The following PSD4 variants were observed in gnomAD, a reference collection of about 807,000 sequenced individuals.
PSD4 encodes the protein PH and SEC7 domain-containing protein 4.
Under a neutral mutation model 112.5 loss-of-function variants are expected in PSD4, and 59 were observed. The ratio of observed to expected loss-of-function variants is 0.52; its 90% CI spans 0.43 to 0.65. The LOEUF is 0.65. Among genes scored for constraint, PSD4 ranks in the 30% least tolerant of loss-of-function variants. The pLI, the probability that PSD4 is intolerant of heterozygous loss-of-function variation, is 0.00. For missense variants in PSD4, 1,267 were observed against 1,352.6 expected (o/e 0.94, Z 0.99); for synonymous variants, 533 against 540.0 (o/e 0.99, Z 0.18).
chr2:113,183,452 G>T lies in PSD4; in HGVS notation c.996G>T (p.Trp332Cys). Residue 332 changes from tryptophan to cysteine, a missense_variant, in exon 2 of 17, where the codon TGG (tryptophan) becomes TGT (cysteine). Physicochemically the swap from Trp to Cys is radical, Grantham distance 215 (BLOSUM62 -2). Coordinates refer to ENST00000245796, the MANE Select transcript of PSD4 (RefSeq NM_012455.3). Reference protein sequence around the residue: ...VPIYKPHSICWASVAAAEGAP... With the variant: ...VPIYKPHSICCASVAAAEGAP... ...TCTATAAACCACACTCCATCTGCTG[G>T]GCCTCAGTGGCTGCCGCTGAGGGGG... 1 of 1,590,096 alleles carries T rather than the reference G, an allele frequency of 6.3e-7. No homozygotes were observed. The highest frequency in any genetic ancestry group is 8.6e-7 in the Non-Finnish European group (1 of 1,169,442).
At position 113,192,132 on chromosome 2, in the gene PSD4, G is replaced by A. The variant is rs560658050; in HGVS notation, c.1629-248G>A. ...TGAGGTGAGATAAACTCGGAACATGGCTGTGCTTTACCTGAGAAAGCGCAG... is the reference window on the plus strand; with the variant it reads ...TGAGGTGAGATAAACTCGGAACATGACTGTGCTTTACCTGAGAAAGCGCAG... On this transcript the variant is annotated intron_variant, in intron 5 of 16. Coordinates refer to ENST00000245796, the MANE Select transcript of PSD4 (RefSeq NM_012455.3). 6.3e-4 allele frequency among the ~76,000 whole-genome samples: 95 copies of A among 151,960 alleles called. No individual in the cohort carries two copies. In the Middle Eastern group the frequency reaches 0.014, roughly 22 times the overall value.
chr2:113,197,267 A>C, intron 12 of PSD4: 3 of 432,968 alleles, frequency 6.9e-6, no homozygotes, highest in Non-Finnish European at 8.7e-6. Context: ...TACTTGGGGT[A>C]GTGGGTGTGT....
chr2:113,198,417 G>C (rs971091654), intron 14 of PSD4: 2 of 274,320 alleles, frequency 7.3e-6, no homozygotes, highest in Admixed American at 1.0e-4. Flanking sequence ...GATTAAAGGC[G>C]GGCGCCACCG....
At chr2:113,191,938 A>G (rs1688449995) in intron 5 of PSD4, among the ~76,000 whole-genome samples, 1 of 152,158 alleles carries the variant, frequency 6.6e-6, no homozygotes, top group Non-Finnish European at 1.5e-5. Flanking sequence ...GCTCATCCTT[A>G]CAGGTTTCTT....
In PSD4 at chr2:113,207,737, G is replaced by GT. The variant is rs1238908852; in HGVS notation, c.*6323dup. On this transcript the variant is annotated 3_prime_UTR_variant, in exon 17 of 17. Coordinates refer to ENST00000245796, the MANE Select transcript of PSD4 (RefSeq NM_012455.3). ...CTCCCAAAGTGCTGGGATTACAGGC[G>GT]TAAGCCACCACGCCCCGGCCCTCTT... 2 of 151,594 alleles carry GT rather than the reference G, an allele frequency of 1.3e-5. No individual in the cohort carries two copies. Among genetic ancestry groups the GT allele is most frequent in the Non-Finnish European group, 1.5e-5 (1 of 67,956 alleles). The allele number at this position is 151,594 out of a possible 1,614,324, so 9.4% of individuals were successfully genotyped here. A position where few individuals can be genotyped will look rare whatever the true frequency, so the allele number is the denominator to read the frequency against.
rs1688771228 is a variant in PSD4, at chr2:113,201,277, G to A, written c.3033G>A (p.Lys1011=). 6.2e-7 allele frequency: 1 copy of A among 1,614,060 alleles called. No homozygotes were observed. Among genetic ancestry groups the A allele is most frequent in the African/African-American group, 1.3e-5 (1 of 74,940 alleles). ...AAGCTGGAGGCACTCGGGAGCCCAA[G>A]CTCAGCCTGAAGAAGTCCCACTCGA... ...GREAGGTREP[K]LSLKKSHSSP... Residue 1011 remains lysine (K), a synonymous_variant, in exon 17 of 17, where the codon AAG becomes AAA. Transcript: ENST00000245796.
intron 14 of PSD4, 46 bp from the exon 15 acceptor site, chr2:113,198,694 G>A: frequency 6.7e-7 from 1 of 1,502,444 alleles, no homozygotes; most frequent in Non-Finnish European, 8.9e-7. Context: ...GAGGGTGACA[G>A]GACGGACTCT....
chr2:113,194,033 A>T, intron 10 of PSD4, 85 bp downstream of exon 10: 1 of 1,378,194 alleles, frequency 7.3e-7, no homozygotes, highest in South Asian at 1.3e-5. Flanking sequence ...TGAGCTTGGG[A>T]CTGGCTTTGC....
At chr2:113,197,012 C>T (rs1465896997) in intron 12 of PSD4, among the ~76,000 whole-genome samples, 1 of 152,232 alleles carries the variant, frequency 6.6e-6, no homozygotes, top group Admixed American at 6.5e-5. Flanking sequence ...GTGAAGCCGC[C>T]GGGGCCCTAG....
chr2:113,185,227 G>A lies in PSD4; in HGVS notation c.1174-138G>A, dbSNP rs79318368. The A allele has an allele frequency of 1.2e-3, 1,852 of 1,534,370 alleles. 26 individuals are homozygous for A. The East Asian group carries it at 0.03, about 25-fold the overall frequency. ...TGAACTGAGGCTCCAGCCTGGGTGG[G>A]AGGAGGATGGAGGGGCTTCTGCCTA... On this transcript the variant is annotated intron_variant, in intron 3 of 16. Transcript: ENST00000245796.
At chr2:113,199,049 C>A (rs1376616794) in intron 15 of PSD4, 34 bp from the exon 16 acceptor site, 3 of 1,514,222 alleles carry the variant, frequency 2.0e-6, no homozygotes, top group Non-Finnish European at 2.6e-6. Context: ...AGGGGACGCC[C>A]GGGACAGCGC....
At chr2:113,198,048 A>T (rs1688662661) in intron 14 of PSD4, 135 bp downstream of exon 14, 2 of 1,106,348 alleles carry the variant, frequency 1.8e-6, no homozygotes, top group East Asian at 5.5e-5. Flanking sequence ...AGAAATTCTT[A>T]GAAAGCGGCA....
chr2:113,192,304 G>T (rs550668602), intron 5 of PSD4, 76 bp from the exon 6 acceptor site: 6 of 1,445,524 alleles, frequency 4.2e-6, no homozygotes, highest in Non-Finnish European at 5.8e-6. Flanking sequence ...CATTCAAGGC[G>T]CTGAGCTCGG....
At chr2:113,190,790 T>C (rs1305208384) in intron 5 of PSD4, among the ~76,000 whole-genome samples, 1 of 152,144 alleles carries the variant, frequency 6.6e-6, no homozygotes, top group East Asian at 1.9e-4. Flanking sequence ...GATCTTACTG[T>C]GAAAATCAAG....
Position 113,197,354 on chromosome 2 carries a change from C to T in PSD4, c.2387-210C>T, listed in dbSNP as rs766115291. Reference sequence around the variant, plus strand: ...AGTGGTTCTATGGTTTTGTTTCCAGCGGGCATTGCCTGTGTGTGGAGAGAC... The same window carrying T: ...AGTGGTTCTATGGTTTTGTTTCCAGTGGGCATTGCCTGTGTGTGGAGAGAC... On this transcript the variant is annotated intron_variant, in intron 12 of 16. Transcript: ENST00000245796. The T allele has an allele frequency of 1.3e-4, 77 of 613,230 alleles. 1 individual carries two copies. The highest frequency in any genetic ancestry group is 5.0e-4 in the South Asian group (27 of 53,718). 38.0% of individuals were successfully genotyped at this position (613,230 alleles called of 1,614,324 possible). A position where few individuals can be genotyped will look rare whatever the true frequency, so the allele number is the denominator to read the frequency against.
Position 113,197,619 on chromosome 2 carries a change from T to C in PSD4, c.2442T>C (p.Val814=), listed in dbSNP as rs753024415. 16 of 1,614,050 alleles carry C rather than the reference T, an allele frequency of 9.9e-6. No homozygotes were observed. In the Admixed American group the frequency reaches 2.7e-4, roughly 27 times the overall value. The change falls in exon 13 of 17, where the codon GTT becomes GTC. Residue 814 remains valine, a synonymous_variant. Coordinates refer to ENST00000245796, the MANE Select transcript of PSD4 (RefSeq NM_012455.3). ...TCCACACCTTACTGCGAGGGATGGTTCTCTACTTCCTGAAGGTAGGAAAGG... is the reference window on the plus strand; with the variant it reads ...TCCACACCTTACTGCGAGGGATGGTCCTCTACTTCCTGAAGGTAGGAAAGG... The part of the protein sequence containing the change: ...KMFHTLLRGM[V]LYFLKQGEDH...
In PSD4 at chr2:113,201,461, C is replaced by A; in HGVS notation, c.*46C>A. On this transcript the variant is annotated 3_prime_UTR_variant, in exon 17 of 17. Transcript: ENST00000245796. ...CACTGTTCCCTGCTCCAGGGTAGAC[C>A]TGAGATGAACCTCCCTGGAGGAGAC... 6.2e-7 allele frequency: 1 copy of A among 1,600,850 alleles called. No homozygotes were observed. Among genetic ancestry groups the A allele is most frequent in the Non-Finnish European group, 8.5e-7 (1 of 1,173,690 alleles).
chr2:113,193,548 T>C (rs371422495), intron 8 of PSD4, 44 bp from the exon 9 acceptor site: 4 of 1,586,102 alleles, frequency 2.5e-6, no homozygotes, highest in Non-Finnish European at 3.5e-6. Context: ...ACAGGAGCCC[T>C]GGTTCCAATG....
Position 113,202,930 on chromosome 2 carries a change from A to C in PSD4, c.*1515A>C, listed in dbSNP as rs1688809915. 6.6e-6 allele frequency: 1 copy of C among 152,422 alleles called. No individual in the cohort carries two copies. The highest frequency in any genetic ancestry group is 6.5e-5 in the Admixed American group (1 of 15,286). 9.4% of individuals were successfully genotyped at this position (152,422 alleles called of 1,614,324 possible). A position where few individuals can be genotyped will look rare whatever the true frequency, so the allele number is the denominator to read the frequency against. The stretch of plus-strand genomic sequence containing the variant: ...AGGTCAACAAAGAGGGAGGTGTGTC[A>C]GTGTGTGAGGAAGGGAGGTCAGGCA... On this transcript the variant is annotated 3_prime_UTR_variant, in exon 17 of 17. Transcript: ENST00000245796.
Sources: allele counts gnomAD v4.1 joint callset (sites outside exome capture counted in the v4.1 genomes callset), GRCh38; gene constraint gnomAD v4.1.1; transcripts MANE v1.5; gene names NCBI Gene and HGNC (gene_info 2026-07-23, HGNC 2026-07-21).